AKAP13: variants seen among roughly 807,000 people sequenced by gnomAD.
AKAP13 encodes the protein A-kinase anchoring protein 13, also known as A-kinase anchor protein 13.
AKAP13 carries 80 observed loss-of-function variants against 264.5 expected under a neutral mutation model. The observed-to-expected ratio is 0.30, with a 90% confidence interval of 0.25 to 0.36. AKAP13 has a LOEUF of 0.36. Ranked by LOEUF, AKAP13 falls within the 10% of genes least tolerant of loss-of-function variation. The pLI is 1.00. For synonymous variants in AKAP13, 1,380 were observed against 1,250.2 expected (o/e 1.10, Z -2.19); for missense variants, 3,712 against 3,435.2 (o/e 1.08, Z -2.01).
At chr15:85,655,846 T>A (rs2083066367) in intron 11 of AKAP13, 59 bp downstream of exon 11, 1 of 1,532,380 alleles carries the variant, frequency 6.5e-7, no homozygotes, top group Non-Finnish European at 8.7e-7. Flanking sequence ...GAGAAGCTTC[T>A]GATTTGTATT....
chr15:85,609,208 ATAC>A (rs1430455492), intron 8 of AKAP13, among the ~76,000 whole-genome samples: 1 of 152,180 alleles, frequency 6.6e-6, no homozygotes, highest in African/African-American at 2.4e-5. Flanking sequence ...GTGTGATGGA[ATAC>A]TACATTTGTT....
Position 85,432,136 on chromosome 15 carries a change from A to G in AKAP13, c.-12+51338A>G, listed in dbSNP as rs545044406. Among the ~76,000 whole-genome samples, 131 of 152,254 alleles carry G rather than the reference A, an allele frequency of 8.6e-4. 1 individual carries two copies. Among genetic ancestry groups the G allele is most frequent in the African/African-American group, 3.1e-3 (129 of 41,540 alleles). Reference sequence around the variant, plus strand: ...AGAATACGTATTTTAGTCTAAGAACAATGGAAAATAGCTTTCTCTTTTAGC... The same window carrying G: ...AGAATACGTATTTTAGTCTAAGAACGATGGAAAATAGCTTTCTCTTTTAGC... On this transcript the variant is annotated intron_variant, in intron 1 of 36. Coordinates refer to ENST00000394518, the MANE Select transcript of AKAP13 (RefSeq NM_007200.5).
chr15:85,486,739 CTTT>C (rs562767898), intron 2 of AKAP13, among the ~76,000 whole-genome samples: 8 of 115,638 alleles, frequency 6.9e-5, no homozygotes, highest in Admixed American at 2.0e-4. Context: ...TTGTTCAGTT[CTTT>C]TTTTTTTTTT....
intron 16 of AKAP13, among the ~76,000 whole-genome samples, chr15:85,692,710 G>A (rs1398335532): frequency 6.6e-6 from 1 of 152,196 alleles, no homozygotes; most frequent in Non-Finnish European, 1.5e-5. Flanking sequence ...AAATGTATAT[G>A]TGGGGCATAT....
intron 2 of AKAP13, among the ~76,000 whole-genome samples, chr15:85,518,547 A>G (rs971936467): frequency 1.3e-5 from 2 of 152,326 alleles, no homozygotes; most frequent in Admixed American, 6.5e-5. Flanking sequence ...CAAAAAAACT[A>G]CAGACCAGGT....
At chr15:85,406,357 C>G (rs899818366) in intron 1 of AKAP13, among the ~76,000 whole-genome samples, 1 of 150,608 alleles carries the variant, frequency 6.6e-6, no homozygotes, top group African/African-American at 2.4e-5. Context: ...AAGTCTTGCT[C>G]TCTCTCAACT....
chr15:85,447,719 A>G (rs368193285), intron 1 of AKAP13, among the ~76,000 whole-genome samples: 2 of 152,282 alleles, frequency 1.3e-5, no homozygotes, highest in East Asian at 1.9e-4. Flanking sequence ...TTTAATGGCT[A>G]TGTAATATTT....
intron 14 of AKAP13, chr15:85,677,049 C>A (rs977401383): frequency 1.0e-6 from 1 of 985,320 alleles, no homozygotes; most frequent in Non-Finnish European, 1.2e-6. Context: ...CTAAAACTCT[C>A]TTTTCTCTTG....
rs555927820 is a variant in AKAP13 at position 85,744,980 on chromosome 15, C to T, written c.*303C>T. 2.0e-4 allele frequency: 57 copies of T among 288,154 alleles called. No homozygotes were observed. Among genetic ancestry groups the T allele is most frequent in the African/African-American group, 9.9e-4 (45 of 45,518 alleles). 17.8% of individuals were successfully genotyped at this position (288,154 alleles called of 1,614,324 possible). On this transcript the variant is annotated 3_prime_UTR_variant, in exon 37 of 37. Coordinates refer to ENST00000394518, the MANE Select transcript of AKAP13 (RefSeq NM_007200.5). ...TAAGTACAGGTGATGGTTTTGGACA[C>T]GTCAGGAATTCCTAAAGGCTGAAAG... is the stretch of plus-strand genomic sequence containing the variant.
intron 17 of AKAP13, among the ~76,000 whole-genome samples, chr15:85,697,617 A>G (rs1392040930): frequency 3.3e-5 from 5 of 152,214 alleles, no homozygotes; most frequent in Non-Finnish European, 7.3e-5. Flanking sequence ...AGAATCTATA[A>G]TGGAAGAAAA....
intron 10 of AKAP13, 74 bp from the exon 11 acceptor site, chr15:85,655,343 C>T (rs1418700430): frequency 2.1e-5 from 33 of 1,535,496 alleles, no homozygotes; most frequent in Non-Finnish European, 2.5e-5. Context: ...AAGCCATTGG[C>T]TTGATCTAGA....
Position 85,719,194 on chromosome 15 carries a change from C to G in AKAP13, c.6120C>G (p.Pro2040=). ...AGCAGATGGTAGAAAAGCTGTTCCC[C>G]TGTTTGGATGAGCTGATCAGTATCC... ...FEQQMVEKLF[P]CLDELISIHS... Residue 2040 remains proline, a synonymous_variant, in exon 23 of 37, where the codon CCC becomes CCG. Coordinates refer to ENST00000394518, the MANE Select transcript of AKAP13 (RefSeq NM_007200.5). The G allele has an allele frequency of 1.2e-6, 2 of 1,614,148 alleles. No homozygotes were observed. The highest frequency in any genetic ancestry group is 1.7e-6 in the Non-Finnish European group (2 of 1,180,018).
At chr15:85,604,301 G>A (rs749662936) in intron 8 of AKAP13, among the ~76,000 whole-genome samples, 13 of 152,260 alleles carry the variant, frequency 8.5e-5, no homozygotes, top group Admixed American at 7.8e-4. Flanking sequence ...GGCAGGAGTT[G>A]CAGCTAAAAA....
At chr15:85,412,240 A>G (rs547229009) in intron 1 of AKAP13, among the ~76,000 whole-genome samples, 1 of 152,316 alleles carries the variant, frequency 6.6e-6, no homozygotes, top group South Asian at 2.1e-4. Flanking sequence ...AGAAGCTACC[A>G]CTTGTCAAGT....
chr15:85,407,352 C>T (rs975246592), intron 1 of AKAP13, among the ~76,000 whole-genome samples: 12 of 151,296 alleles, frequency 7.9e-5, no homozygotes, highest in Non-Finnish European at 1.5e-4. Flanking sequence ...TTCAGCTTCC[C>T]GAGTGGCTGA....
intron 8 of AKAP13, among the ~76,000 whole-genome samples, chr15:85,604,180 A>C (rs1408457643): frequency 6.6e-6 from 1 of 152,126 alleles, no homozygotes; most frequent in Non-Finnish European, 1.5e-5. Flanking sequence ...GGGCACTGAC[A>C]ACCTTAAATA....
intron 33 of AKAP13, among the ~76,000 whole-genome samples, chr15:85,739,017 T>C (rs1462422457): frequency 6.6e-6 from 1 of 152,262 alleles, no homozygotes; most frequent in Non-Finnish European, 1.5e-5. Flanking sequence ...TTAAAAACAT[T>C]TCCCCAAGGC....
At chr15:85,436,776 G>A (rs10431848) in intron 1 of AKAP13, among the ~76,000 whole-genome samples, 16 of 151,968 alleles carry the variant, frequency 1.1e-4, no homozygotes, top group Non-Finnish European at 1.3e-4. Flanking sequence ...CAACGAGAAC[G>A]AAGACACAAC....
At chr15:85,662,977 T>G (rs1337816643) in intron 12 of AKAP13, among the ~76,000 whole-genome samples, 3 of 152,236 alleles carry the variant, frequency 2.0e-5, no homozygotes, top group Non-Finnish European at 1.5e-5. Flanking sequence ...AAGTAATTTC[T>G]TCTTCACTTA....
Sources: gnomAD v4.1 joint callset for allele counts (sites outside exome capture counted in the v4.1 genomes callset) on GRCh38, gnomAD v4.1.1 for gene constraint, MANE v1.5 for transcripts, NCBI Gene and HGNC (gene_info 2026-07-23, HGNC 2026-07-21) for gene names.